NRP2: variants seen among roughly 807,000 people sequenced by gnomAD.
NRP2 encodes the protein neuropilin 2.
Under a neutral mutation model 110.4 loss-of-function variants are expected in NRP2, and 52 were observed. The observed-to-expected ratio is 0.47, with a 90% confidence interval of 0.38 to 0.59. The LOEUF (loss-of-function observed/expected upper bound fraction) is 0.59, where lower values mean the gene tolerates loss of function less well. Among genes scored for constraint, NRP2 ranks in the 20% least tolerant of loss-of-function variants. The probability of loss-of-function intolerance (pLI) is 0.00; values close to 1 mark genes in which losing one functional copy is unlikely to be tolerated. For synonymous variants in NRP2, 508 were observed against 468.9 expected (o/e 1.08, Z -1.08); for missense variants, 1,049 against 1,203.0 (o/e 0.87, Z 1.89).
chr2:205,740,553 T>C lies in NRP2; in HGVS notation c.1181T>C (p.Val394Ala). 2 of 1,614,240 alleles carry C rather than the reference T, an allele frequency of 1.2e-6. No individual in the cohort carries two copies. The highest frequency in any genetic ancestry group is 1.7e-6 in the Non-Finnish European group (2 of 1,180,036). ...GCCAACAACGATGCAACTGAGGTGGTTCTGAACAAGCTCCACGCTCCACTG... is the reference window on the plus strand; with the variant it reads ...GCCAACAACGATGCAACTGAGGTGGCTCTGAACAAGCTCCACGCTCCACTG... Reference protein sequence around the residue: ...FQANNDATEVVLNKLHAPLLT... With the variant: ...FQANNDATEVALNKLHAPLLT... Residue 394 changes from valine (V) to alanine (A), a missense_variant, in exon 8 of 17, where the codon GTT becomes GCT. Physicochemically the swap from Val to Ala is moderately conservative, Grantham distance 64. Coordinates refer to ENST00000357785, the MANE Select transcript of NRP2 (RefSeq NM_003872.3).
chr2:205,700,905 G>T (rs1043161319), intron 2 of NRP2: 3 of 348,000 alleles, frequency 8.6e-6, no homozygotes, highest in Non-Finnish European at 1.7e-5. Context: ...CTGTGGTACT[G>T]CTGGACTCCT....
chr2:205,777,734 G>A (rs1469800760), intron 15 of NRP2: 1 of 152,210 alleles, frequency 6.6e-6, no homozygotes, highest in Non-Finnish European at 1.5e-5. Flanking sequence ...GTGTTAATGT[G>A]TGCCTGAATC....
At chr2:205,690,490 C>G (rs2056287617) in intron 1 of NRP2, among the ~76,000 whole-genome samples, 1 of 151,912 alleles carries the variant, frequency 6.6e-6, no homozygotes, top group Non-Finnish European at 1.5e-5. Flanking sequence ...AATCCCAGCA[C>G]TTTGGGAGGA....
chr2:205,718,620 C>G (rs1360173383), intron 3 of NRP2, among the ~76,000 whole-genome samples: 3 of 152,200 alleles, frequency 2.0e-5, no homozygotes, highest in Non-Finnish European at 2.9e-5. Context: ...CCACCTGCTG[C>G]TGGAAGAGCA....
chr2:205,795,120 A>ATT lies in NRP2; in HGVS notation c.*70_*71dup. 2 of 1,476,458 alleles carry ATT rather than the reference A, an allele frequency of 1.4e-6. No individual in the cohort carries two copies. The highest frequency in any genetic ancestry group is 1.9e-6 in the Non-Finnish European group (2 of 1,072,488). The allele number at this position is 1,476,458 out of a possible 1,614,324, so 91.5% of individuals were successfully genotyped here. On this transcript the variant is annotated 3_prime_UTR_variant, in exon 17 of 17. Coordinates refer to ENST00000357785, the MANE Select transcript of NRP2 (RefSeq NM_003872.3). ...AGCAAGAGGGGCTGGGGAAGATTAC[A>ATT]TTTTTTTTTCCTTTGGAAACTGAAT... is the stretch of plus-strand genomic sequence containing the variant.
At chr2:205,769,215 T>C (rs2057977265) in intron 15 of NRP2, among the ~76,000 whole-genome samples, 1 of 152,172 alleles carries the variant, frequency 6.6e-6, no homozygotes, top group Non-Finnish European at 1.5e-5. Flanking sequence ...CTGCCAACCA[T>C]AGGCATTTAC....
At chr2:205,786,791 C>A (rs989495125) in intron 15 of NRP2, among the ~76,000 whole-genome samples, 5 of 152,206 alleles carry the variant, frequency 3.3e-5, no homozygotes, top group Non-Finnish European at 4.4e-5. Context: ...TCCTCAGTCA[C>A]CAATTAGCAG....
chr2:205,794,949 G>A lies in NRP2; in HGVS notation c.2672G>A (p.Gly891Asp). ...LLLYCTCSYSGLSSRSCTTLE... is the reference protein window; with the variant it reads ...LLLYCTCSYSDLSSRSCTTLE... ...CTCTACTGCACCTGTTCCTACTCGGGCCTGAGCTCCCGAAGCTGCACCACA... is the reference window on the plus strand; with the variant it reads ...CTCTACTGCACCTGTTCCTACTCGGACCTGAGCTCCCGAAGCTGCACCACA... The change falls in exon 17 of 17, where the codon GGC becomes GAC. Residue 891 changes from glycine to aspartate, a missense_variant. Gly to Asp is a moderately conservative substitution (Grantham distance 94). Transcript: ENST00000357785. The A allele has an allele frequency of 6.2e-7, 1 of 1,614,106 alleles. No individual in the cohort carries two copies. The highest frequency in any genetic ancestry group is 1.1e-5 in the South Asian group (1 of 91,072).
At chr2:205,782,543 G>A (rs1423206274) in intron 15 of NRP2, among the ~76,000 whole-genome samples, 1 of 152,178 alleles carries the variant, frequency 6.6e-6, no homozygotes, top group African/African-American at 2.4e-5. Flanking sequence ...GTAACTGTGA[G>A]GGATGGTTTG....
intron 11 of NRP2, 156 bp from the exon 12 acceptor site, chr2:205,752,679 G>C: frequency 1.3e-6 from 1 of 774,420 alleles, no homozygotes; most frequent in Non-Finnish European, 2.2e-6. Context: ...CCGAAAGCCA[G>C]CGATCGCCAA....
At chr2:205,749,586 C>G in intron 10 of NRP2, 139 bp from the exon 11 acceptor site, 1 of 716,264 alleles carries the variant, frequency 1.4e-6, no homozygotes, top group Non-Finnish European at 2.5e-6. Flanking sequence ...TCGTTGACAG[C>G]ACACAGACAT....
rs191323733 is a variant in NRP2 at position 205,684,315 on chromosome 2, A to G, written c.73+952A>G. ...TGAGCCTCCCTACCCCTCTGAGAAC[A>G]GTGTCTGGAATCTAACAACAAAACT... On this transcript the variant is annotated intron_variant, in intron 1 of 16. Coordinates refer to ENST00000357785, the MANE Select transcript of NRP2 (RefSeq NM_003872.3). Among the ~76,000 whole-genome samples, 22 of 152,268 alleles carry G rather than the reference A, an allele frequency of 1.4e-4. No homozygotes were observed. The East Asian group carries it at 4.3e-3, about 29-fold the overall frequency.
intron 15 of NRP2, chr2:205,779,030 G>A (rs2058142146): frequency 1.3e-5 from 2 of 152,214 alleles, no homozygotes; most frequent in Non-Finnish European, 2.9e-5. Context: ...TTTCATGGAG[G>A]GAGGGAAGGG....
rs2058083911 is a variant in NRP2 at position 205,775,471 on chromosome 2, T to C, written c.2425+8668T>C. Among the ~76,000 whole-genome samples the C allele has an allele frequency of 2.0e-5, 3 of 152,302 alleles. No homozygotes were observed. In the South Asian group the frequency reaches 6.2e-4, roughly 32 times the overall value. The stretch of plus-strand genomic sequence containing the variant: ...CCCTCTCTCTCTCACTCACTCACTC[T>C]CGCTCTCACATACCCTCTGTCATTT... On this transcript the variant is annotated intron_variant, in intron 15 of 16. Coordinates refer to ENST00000357785, the MANE Select transcript of NRP2 (RefSeq NM_003872.3).
chr2:205,770,194 C>G (rs1172038859), intron 15 of NRP2, among the ~76,000 whole-genome samples: 1 of 152,140 alleles, frequency 6.6e-6, no homozygotes, highest in African/African-American at 2.4e-5. Context: ...AAAGGAACAT[C>G]AATGTCTCCC....
intron 15 of NRP2, among the ~76,000 whole-genome samples, chr2:205,787,001 C>T (rs1274157640): frequency 6.6e-6 from 1 of 152,138 alleles, no homozygotes; most frequent in Non-Finnish European, 1.5e-5. Flanking sequence ...CCCTTTTGTT[C>T]AGAAGTTGCC....
At chr2:205,697,936 A>G in intron 2 of NRP2, 2 of 608,534 alleles carry the variant, frequency 3.3e-6, no homozygotes, top group Non-Finnish European at 5.9e-6. Flanking sequence ...AGCCTTCTTG[A>G]GTGAAAAGTA....
intron 10 of NRP2, among the ~76,000 whole-genome samples, chr2:205,747,235 G>A (rs576363236): frequency 2.0e-5 from 3 of 152,144 alleles, no homozygotes; most frequent in South Asian, 2.1e-4. Flanking sequence ...GGTGTATACG[G>A]GGTACAGTGT....
chr2:205,715,431 G>A (rs564867909), intron 2 of NRP2, among the ~76,000 whole-genome samples: 1 of 152,292 alleles, frequency 6.6e-6, no homozygotes, highest in East Asian at 1.9e-4. Context: ...CGTAGACAGT[G>A]GGCCCCTGGA....
Sources: allele counts gnomAD v4.1 joint callset (sites outside exome capture counted in the v4.1 genomes callset), GRCh38; gene constraint gnomAD v4.1.1; transcripts MANE v1.5; gene names NCBI Gene and HGNC (gene_info 2026-07-23, HGNC 2026-07-21).